Variants in ADAMTS9 observed in about 807,000 individuals in gnomAD.
The protein encoded by ADAMTS9 is ADAM metallopeptidase with thrombospondin type 1 motif 9.
A neutral mutation model predicts 257.1 loss-of-function variants in ADAMTS9; 107 were observed. The ratio of observed to expected loss-of-function variants is 0.42; its 90% CI spans 0.36 to 0.49. The LOEUF (loss-of-function observed/expected upper bound fraction) is 0.49, where lower values mean the gene tolerates loss of function less well. ADAMTS9 is among the 20% of genes least tolerant of loss of function. The pLI is 0.03. For synonymous variants in ADAMTS9, 982 were observed against 880.9 expected (o/e 1.11, Z -2.03); for missense variants, 2,353 against 2,469.1 (o/e 0.95, Z 1.00).
intron 28 of ADAMTS9, among the ~76,000 whole-genome samples, chr3:64,586,515 A>C (rs191786159): frequency 3.7e-4 from 56 of 152,226 alleles, no homozygotes; most frequent in African/African-American, 1.1e-3. Context: ...GCTTCTAAAA[A>C]CAGACCATCT....
In ADAMTS9 at chr3:64,606,842, A is replaced by G. The variant is rs1217300762; in HGVS notation, c.3474+118T>C. 5 of 1,249,134 alleles carry G rather than the reference A, an allele frequency of 4.0e-6. No homozygotes were observed. In the African/African-American group the frequency reaches 4.5e-5, roughly 11 times the overall value. 77.4% of individuals were successfully genotyped at this position (1,249,134 alleles called of 1,614,324 possible). On this transcript the variant is annotated intron_variant, in intron 23 of 39. Coordinates refer to ENST00000498707, the MANE Select transcript of ADAMTS9 (RefSeq NM_182920.2). ...CAGGTAAATCTGGACAAATTAATCT[A>G]CTGGTTGCTCTACTGACATACTTAT...
At chr3:64,614,825 G>T (rs999444399) in intron 21 of ADAMTS9, 1 of 150,240 alleles carries the variant, frequency 6.7e-6, no homozygotes, top group East Asian at 2.0e-4. Context: ...TACTCAGTCT[G>T]GTCCATTTCT....
At position 64,640,935 on chromosome 3, in the gene ADAMTS9, C is replaced by T. The variant is rs1186739620; in HGVS notation, c.1856+913G>A. Among the ~76,000 whole-genome samples, 4 of 151,896 alleles carry T rather than the reference C, an allele frequency of 2.6e-5. No individual in the cohort carries two copies. In the East Asian group the frequency reaches 7.7e-4, roughly 29 times the overall value. ...AACAAGGTTAGGCTGGTAGAGGTTG[C>T]CATGGTCACACAATGAGAATTATTC... On this transcript the variant is annotated intron_variant, in intron 12 of 39. Transcript: ENST00000498707.
intron 28 of ADAMTS9, among the ~76,000 whole-genome samples, chr3:64,578,092 C>A (rs60631298): frequency 1.3e-5 from 2 of 152,110 alleles, no homozygotes; most frequent in Non-Finnish European, 2.9e-5. Context: ...GATTTGCATA[C>A]GTGTCTGAGC....
intron 38 of ADAMTS9, among the ~76,000 whole-genome samples, chr3:64,524,474 C>T (rs915798675): frequency 2.6e-5 from 4 of 152,144 alleles, no homozygotes; most frequent in African/African-American, 4.8e-5. Flanking sequence ...TCTCATTTCA[C>T]GTCAGCATTA....
At chr3:64,636,871 A>G (rs1700513417) in intron 12 of ADAMTS9, among the ~76,000 whole-genome samples, 1 of 152,220 alleles carries the variant, frequency 6.6e-6, no homozygotes, top group South Asian at 2.1e-4. Context: ...TTTGGCCCTG[A>G]TGGAAAAGGT....
chr3:64,612,502 A>G (rs937521216), intron 22 of ADAMTS9, among the ~76,000 whole-genome samples: 2 of 152,200 alleles, frequency 1.3e-5, no homozygotes, highest in African/African-American at 4.8e-5. Flanking sequence ...TAGAAATTGT[A>G]AGGGTGCCAT....
chr3:64,685,744 G>A (rs576439407), intron 2 of ADAMTS9, among the ~76,000 whole-genome samples: 1 of 152,250 alleles, frequency 6.6e-6, no homozygotes, highest in South Asian at 2.1e-4. Flanking sequence ...AACGTGCGCC[G>A]CAGGCTCCCT....
intron 8 of ADAMTS9, 120 bp downstream of exon 8, chr3:64,654,233 C>G: frequency 9.8e-7 from 1 of 1,022,004 alleles, no homozygotes; most frequent in East Asian, 2.4e-5. Flanking sequence ...AACCCTGCAA[C>G]TCTACTATGA....
In ADAMTS9 at chr3:64,517,070, G is replaced by GTAT. The variant is rs1449105383; in HGVS notation, c.*54_*56dup. 6.6e-6 allele frequency: 1 copy of GTAT among 152,386 alleles called. No individual in the cohort carries two copies. Among genetic ancestry groups the GTAT allele is most frequent in the African/African-American group, 2.4e-5 (1 of 41,394 alleles). 9.4% of individuals were successfully genotyped at this position (152,386 alleles called of 1,614,324 possible). ...CACATGCACCCAAATTAAGGTGGAG[G>GTAT]TATTGCATTACTATCCTTCATCCAT... On this transcript the variant is annotated 3_prime_UTR_variant, in exon 40 of 40. Coordinates refer to ENST00000498707, the MANE Select transcript of ADAMTS9 (RefSeq NM_182920.2).
At chr3:64,564,845 A>G (rs941438285) in intron 29 of ADAMTS9, among the ~76,000 whole-genome samples, 2 of 152,188 alleles carry the variant, frequency 1.3e-5, no homozygotes, top group Non-Finnish European at 2.9e-5. Context: ...TTTTAGGCAG[A>G]TACTTCATAA....
chr3:64,656,497 T>C (rs1418759956), intron 4 of ADAMTS9, among the ~76,000 whole-genome samples: 1 of 152,172 alleles, frequency 6.6e-6, no homozygotes, highest in Non-Finnish European at 1.5e-5. Context: ...AAAATTTCTG[T>C]TCAACAAATG....
chr3:64,559,340 A>G (rs962559926), intron 30 of ADAMTS9, among the ~76,000 whole-genome samples: 9 of 152,074 alleles, frequency 5.9e-5, no homozygotes, highest in Non-Finnish European at 1.3e-4. Flanking sequence ...CACTCTGCCA[A>G]TGAGAGGCCT....
At chr3:64,606,761 A>G (rs906156547) in intron 23 of ADAMTS9, among the ~76,000 whole-genome samples, 199 bp downstream of exon 23, 3 of 152,228 alleles carry the variant, frequency 2.0e-5, no homozygotes, top group African/African-American at 7.2e-5. Context: ...CATATACTTC[A>G]AATAACCAGA....
chr3:64,561,783 C>A, intron 29 of ADAMTS9, 32 bp from the exon 30 acceptor site: 1 of 848,906 alleles, frequency 1.2e-6, no homozygotes, highest in Non-Finnish European at 1.7e-6. Context: ...GTGGGAGCTT[C>A]GGCTCATTTA....
intron 3 of ADAMTS9, among the ~76,000 whole-genome samples, chr3:64,674,441 T>C (rs544546753): frequency 1.2e-4 from 18 of 152,310 alleles, no homozygotes; most frequent in African/African-American, 4.1e-4. Flanking sequence ...ACAAGTTTGT[T>C]CACCTCTCTG....
At chr3:64,525,278 T>C (rs11718615) in intron 38 of ADAMTS9, among the ~76,000 whole-genome samples, 1 of 152,032 alleles carries the variant, frequency 6.6e-6, no homozygotes, top group Non-Finnish European at 1.5e-5. Context: ...GTTCCCCTTA[T>C]GCTTTACCAT....
intron 32 of ADAMTS9, 83 bp from the exon 33 acceptor site, chr3:64,542,053 A>T (rs1244493030): frequency 1.9e-6 from 3 of 1,562,616 alleles, no homozygotes; most frequent in Non-Finnish European, 2.6e-6. Flanking sequence ...CAGAGCCCTG[A>T]TGTCATCATG....
chr3:64,564,582 C>CTGAGG (rs2083492919), intron 29 of ADAMTS9, among the ~76,000 whole-genome samples: 1 of 151,976 alleles, frequency 6.6e-6, no homozygotes, highest in Non-Finnish European at 1.5e-5. Context: ...TGCTAGTATA[C>CTGAGG]TGAGGTTTCT....
Sources: gnomAD v4.1 joint callset for allele counts (sites outside exome capture counted in the v4.1 genomes callset) on GRCh38, gnomAD v4.1.1 for gene constraint, MANE v1.5 for transcripts, NCBI Gene and HGNC (gene_info 2026-07-23, HGNC 2026-07-21) for gene names.